The following SCAPER variants were observed in gnomAD, a reference collection of about 807,000 sequenced individuals.
SCAPER encodes the protein S phase cyclin A-associated protein in the endoplasmic reticulum.
In SCAPER, 98 loss-of-function variants were observed where a neutral mutation model predicts 182.2. That is an observed-to-expected ratio of 0.54 (90% CI 0.46 to 0.64). The LOEUF (loss-of-function observed/expected upper bound fraction) is 0.64. Ranked by LOEUF, SCAPER falls within the 30% of genes least tolerant of loss-of-function variation. The probability of loss-of-function intolerance (pLI) is 0.00; values close to 1 mark genes in which losing one functional copy is unlikely to be tolerated. For synonymous variants in SCAPER, 605 were observed against 564.6 expected (o/e 1.07, Z -1.01); for missense variants, 1,432 against 1,690.0 (o/e 0.85, Z 2.68).
At chr15:76,861,311 T>A (rs1193434357) in intron 3 of SCAPER, among the ~76,000 whole-genome samples, 1 of 152,236 alleles carries the variant, frequency 6.6e-6, no homozygotes, top group Non-Finnish European at 1.5e-5. Flanking sequence ...GTAGAGAAAT[T>A]TGGCAGACAA....
intron 22 of SCAPER, among the ~76,000 whole-genome samples, chr15:76,589,037 C>T (rs1043902756): frequency 6.6e-6 from 1 of 152,074 alleles, no homozygotes; most frequent in African/African-American, 2.4e-5. Flanking sequence ...AGCAGGACTA[C>T]CAGGCTCCAG....
At chr15:76,897,188 G>A (rs2074486887) in intron 1 of SCAPER, among the ~76,000 whole-genome samples, 1 of 152,112 alleles carries the variant, frequency 6.6e-6, no homozygotes, top group Admixed American at 6.6e-5. Context: ...TCAATACTTG[G>A]TAGCTGTGCA....
chr15:76,608,888 G>A (rs1357884176), intron 22 of SCAPER, among the ~76,000 whole-genome samples: 1 of 152,176 alleles, frequency 6.6e-6, no homozygotes, highest in African/African-American at 2.4e-5. Context: ...CAGTATTAGG[G>A]TGGGAGTGAC....
intron 25 of SCAPER, among the ~76,000 whole-genome samples, chr15:76,447,407 A>G (rs2048075911): frequency 6.6e-6 from 1 of 152,342 alleles, no homozygotes; most frequent in African/African-American, 2.4e-5. Context: ...TCATTTGGTC[A>G]GAAGCACAGG....
At chr15:76,717,374 A>C (rs1016889717) in intron 17 of SCAPER, among the ~76,000 whole-genome samples, 6 of 152,202 alleles carry the variant, frequency 3.9e-5, no homozygotes, top group Admixed American at 1.3e-4. Flanking sequence ...ATACTTAGTC[A>C]AATCAGAATA....
intron 25 of SCAPER, among the ~76,000 whole-genome samples, chr15:76,460,221 C>T (rs1349664855): frequency 6.6e-6 from 1 of 152,060 alleles, no homozygotes; most frequent in African/African-American, 2.4e-5. Context: ...TATCTTTCCT[C>T]GGTCCTCATC....
At chr15:76,665,911 A>G (rs557298267) in intron 20 of SCAPER, 122 bp from the exon 21 acceptor site, 21 of 801,774 alleles carry the variant, frequency 2.6e-5, no homozygotes, top group Non-Finnish European at 3.7e-5. Context: ...TCCGTAATAC[A>G]CTGGTTTCTA....
chr15:76,841,713 A>C (rs552637498), intron 5 of SCAPER, 21 bp downstream of exon 5: 4 of 1,609,526 alleles, frequency 2.5e-6, no homozygotes, highest in Non-Finnish European at 3.4e-6. Context: ...ATGGATTACA[A>C]GGCCTCAAAG....
At chr15:76,366,892 T>G (rs2041852670) in intron 29 of SCAPER, among the ~76,000 whole-genome samples, 1 of 152,152 alleles carries the variant, frequency 6.6e-6, no homozygotes. Context: ...TACTCCAAAG[T>G]CCCCTTGGCA....
intron 25 of SCAPER, among the ~76,000 whole-genome samples, chr15:76,467,965 T>C (rs1469248628): frequency 6.6e-6 from 1 of 152,206 alleles, no homozygotes; most frequent in African/African-American, 2.4e-5. Flanking sequence ...TGATAATCAG[T>C]TGTCTTATAA....
At chr15:76,711,294 G>C (rs1567877884) in intron 17 of SCAPER, among the ~76,000 whole-genome samples, 1 of 151,936 alleles carries the variant, frequency 6.6e-6, no homozygotes, top group Non-Finnish European at 1.5e-5. Flanking sequence ...ACTTCACAAA[G>C]AATGTATATC....
At chr15:76,790,732 T>A (rs2064950393) in intron 8 of SCAPER, among the ~76,000 whole-genome samples, 1 of 152,166 alleles carries the variant, frequency 6.6e-6, no homozygotes, top group African/African-American at 2.4e-5. Flanking sequence ...TCAAGTACAG[T>A]AGTAATATGT....
chr15:76,889,278 A>G (rs1188497282), intron 1 of SCAPER, among the ~76,000 whole-genome samples: 1 of 152,242 alleles, frequency 6.6e-6, no homozygotes. Flanking sequence ...ATTAATGGGC[A>G]AAATAACCAG....
intron 17 of SCAPER, among the ~76,000 whole-genome samples, chr15:76,716,132 C>G (rs1260910511): frequency 2.0e-5 from 3 of 152,164 alleles, no homozygotes; most frequent in East Asian, 3.9e-4. Context: ...CCCTAATAAC[C>G]TCAGCAGCCA....
At chr15:76,553,366 T>C (rs1372276464) in intron 23 of SCAPER, among the ~76,000 whole-genome samples, 1 of 152,204 alleles carries the variant, frequency 6.6e-6, no homozygotes, top group Non-Finnish European at 1.5e-5. Context: ...CCAGTACCCC[T>C]GTCACCACAT....
At chr15:76,712,229 T>C (rs2059625062) in intron 17 of SCAPER, among the ~76,000 whole-genome samples, 1 of 152,192 alleles carries the variant, frequency 6.6e-6, no homozygotes. Flanking sequence ...CTCAGGTTTG[T>C]CAAAGATCAG....
At chr15:76,750,005 A>G (rs1184899904) in intron 15 of SCAPER, among the ~76,000 whole-genome samples, 1 of 151,972 alleles carries the variant, frequency 6.6e-6, no homozygotes, top group Admixed American at 6.6e-5. Context: ...AACAATCAAG[A>G]TAGAGTGGTA....
At chr15:76,725,392 G>T (rs568629702) in intron 17 of SCAPER, among the ~76,000 whole-genome samples, 3 of 147,370 alleles carry the variant, frequency 2.0e-5, no homozygotes, top group South Asian at 2.2e-4. Flanking sequence ...AGCCCACCCT[G>T]AATTCTCTCT....
At chr15:76,414,482 C>T (rs2045517934) in intron 26 of SCAPER, among the ~76,000 whole-genome samples, 1 of 151,528 alleles carries the variant, frequency 6.6e-6, no homozygotes, top group African/African-American at 2.4e-5. Flanking sequence ...AAAGACACAA[C>T]CTACAGGGGA....
Sources: gnomAD v4.1 joint callset for allele counts (sites outside exome capture counted in the v4.1 genomes callset) on GRCh38, gnomAD v4.1.1 for gene constraint, MANE v1.5 for transcripts, NCBI Gene and HGNC (gene_info 2026-07-23, HGNC 2026-07-21) for gene names.